Variants in KCNH1 observed in about 807,000 individuals in gnomAD.
KCNH1 encodes potassium voltage-gated channel subfamily H member 1.
In KCNH1, 27 loss-of-function variants were observed where a neutral mutation model predicts 69.2. That is an observed-to-expected ratio of 0.39 (90% CI 0.29 to 0.54). The LOEUF (loss-of-function observed/expected upper bound fraction) is 0.54. Ranked by LOEUF, KCNH1 falls within the 20% of genes least tolerant of loss-of-function variation. The pLI is 0.68. For synonymous variants in KCNH1, 456 were observed against 487.7 expected (o/e 0.93, Z 0.86); for missense variants, 798 against 1,261.6 (o/e 0.63, Z 5.57).
intron 5 of KCNH1, among the ~76,000 whole-genome samples, chr1:211,040,021 C>A (rs2102430784): frequency 6.6e-6 from 1 of 152,130 alleles, no homozygotes; most frequent in South Asian, 2.1e-4. Context: ...AACCCCGTCT[C>A]TACTAAAAAA....
intron 7 of KCNH1, among the ~76,000 whole-genome samples, chr1:210,891,563 C>G (rs531412554): frequency 4.5e-4 from 67 of 149,368 alleles, no homozygotes; most frequent in African/African-American, 1.6e-3. Context: ...AGTCAGGAAA[C>G]AACAGATGCT....
chr1:210,929,397 C>T (rs1019001945), intron 6 of KCNH1, among the ~76,000 whole-genome samples: 1 of 152,074 alleles, frequency 6.6e-6, no homozygotes, highest in African/African-American at 2.4e-5. Context: ...AAATGTGATA[C>T]ACCACATAAA....
chr1:211,039,847 C>T (rs888098181), intron 5 of KCNH1, among the ~76,000 whole-genome samples: 3 of 152,070 alleles, frequency 2.0e-5, no homozygotes, highest in African/African-American at 7.2e-5. Context: ...CTTGCCTTGT[C>T]TCAGATGAGA....
At chr1:211,010,970 C>T (rs985196365) in intron 6 of KCNH1, among the ~76,000 whole-genome samples, 1 of 152,064 alleles carries the variant, frequency 6.6e-6, no homozygotes, top group Non-Finnish European at 1.5e-5. Context: ...TTCTGCTCCC[C>T]AGTGCTAAAC....
chr1:210,816,153 CG>C (rs1199114350), intron 7 of KCNH1, among the ~76,000 whole-genome samples: 12 of 152,080 alleles, frequency 7.9e-5, no homozygotes, highest in Non-Finnish European at 1.6e-4. Flanking sequence ...AGAAGCTCCC[CG>C]AAACAGAGAA....
intron 10 of KCNH1, among the ~76,000 whole-genome samples, chr1:210,689,869 C>T (rs74156022): frequency 0.038 from 5,803 of 152,342 alleles, 128 homozygotes; most frequent in African/African-American, 0.075. Flanking sequence ...AGCAAACTCC[C>T]AGGTGATTCT....
At chr1:210,858,806 T>A (rs1685912421) in intron 7 of KCNH1, 1 of 205,222 alleles carries the variant, frequency 4.9e-6, no homozygotes, top group Admixed American at 5.2e-5. Flanking sequence ...AATAGTCCTG[T>A]AGCCCATGCC....
chr1:210,992,561 T>A (rs1688955935), intron 6 of KCNH1, among the ~76,000 whole-genome samples: 1 of 152,186 alleles, frequency 6.6e-6, no homozygotes, highest in Admixed American at 6.6e-5. Context: ...TTTCATCAGT[T>A]CTAGTGGCTG....
At chr1:210,810,021 G>C (rs1179449272) in intron 7 of KCNH1, among the ~76,000 whole-genome samples, 2 of 152,082 alleles carry the variant, frequency 1.3e-5, no homozygotes, top group East Asian at 3.9e-4. Flanking sequence ...ATTTAGGTTA[G>C]AGCCCCTTAT....
intron 10 of KCNH1, among the ~76,000 whole-genome samples, chr1:210,693,150 C>T (rs976732273): frequency 6.6e-6 from 1 of 152,372 alleles, no homozygotes. Flanking sequence ...GAGGAAATTA[C>T]TTGATCTTTC....
chr1:211,004,134 C>T (rs929411606), intron 6 of KCNH1, among the ~76,000 whole-genome samples: 44 of 151,908 alleles, frequency 2.9e-4, no homozygotes, highest in African/African-American at 1.0e-3. Flanking sequence ...AATCATGAAT[C>T]CAATCACACC....
intron 6 of KCNH1, among the ~76,000 whole-genome samples, chr1:210,949,348 C>T (rs778902744): frequency 7.2e-5 from 11 of 152,296 alleles, no homozygotes; most frequent in Middle Eastern, 3.4e-3. Flanking sequence ...AGTTCCTTTC[C>T]GATGTCTTTA....
chr1:211,060,518 C>T (rs1270850770), intron 5 of KCNH1, among the ~76,000 whole-genome samples: 1 of 119,294 alleles, frequency 8.4e-6, no homozygotes, highest in Non-Finnish European at 1.8e-5. Flanking sequence ...ACAGGAAAAA[C>T]AATATAAAAG....
At chr1:210,784,659 C>G (rs757810802) in intron 9 of KCNH1, among the ~76,000 whole-genome samples, 8 of 152,072 alleles carry the variant, frequency 5.3e-5, no homozygotes, top group Non-Finnish European at 8.8e-5. Context: ...TTGTCTCATT[C>G]TAGGTTTTGT....
At chr1:211,090,780 T>C (rs1691037760) in intron 3 of KCNH1, 90 bp from the exon 4 acceptor site, 3 of 1,163,786 alleles carry the variant, frequency 2.6e-6, no homozygotes, top group South Asian at 1.4e-5. Context: ...TAGGTACAAA[T>C]ATTAATTCAT....
chr1:210,895,821 C>G (rs1356038618), intron 7 of KCNH1, among the ~76,000 whole-genome samples: 1 of 152,144 alleles, frequency 6.6e-6, no homozygotes, highest in Non-Finnish European at 1.5e-5. Context: ...GACTGTCTCT[C>G]TGCTTTTGCT....
At chr1:210,736,414 G>A (rs1682880213) in intron 10 of KCNH1, among the ~76,000 whole-genome samples, 1 of 152,088 alleles carries the variant, frequency 6.6e-6, no homozygotes, top group Non-Finnish European at 1.5e-5. Flanking sequence ...CAGGTGTGGT[G>A]GTGCATGCCT....
At chr1:210,739,355 A>G (rs1461492263) in intron 10 of KCNH1, among the ~76,000 whole-genome samples, 1 of 152,236 alleles carries the variant, frequency 6.6e-6, no homozygotes, top group Non-Finnish European at 1.5e-5. Context: ...AGGGTCAGTT[A>G]TCTTGCTCAT....
chr1:210,936,444 T>C (rs1308244537), intron 6 of KCNH1, among the ~76,000 whole-genome samples: 1 of 152,162 alleles, frequency 6.6e-6, no homozygotes, highest in African/African-American at 2.4e-5. Flanking sequence ...AGTAGAGACT[T>C]TTCAAGCTCC....
Sources: allele counts gnomAD v4.1 joint callset (sites outside exome capture counted in the v4.1 genomes callset), GRCh38; gene constraint gnomAD v4.1.1; transcripts MANE v1.5; gene names NCBI Gene and HGNC (gene_info 2026-07-23, HGNC 2026-07-21).